Variants in PCOLCE2 observed in about 807,000 individuals in gnomAD.
PCOLCE2 encodes the protein procollagen C-endopeptidase enhancer 2, also known as procollagen C-proteinase enhancer 2.
Under a neutral mutation model 47.0 loss-of-function variants are expected in PCOLCE2, and 42 were observed. The ratio of observed to expected loss-of-function variants is 0.89; its 90% confidence interval spans 0.70 to 1.16. The LOEUF (loss-of-function observed/expected upper bound fraction) is 1.16, where lower values mean the gene tolerates loss of function less well. Ranked by LOEUF, PCOLCE2 falls within the 50% of genes most tolerant of loss-of-function variation. The pLI is 0.00. For missense variants in PCOLCE2, 500 were observed against 526.1 expected (o/e 0.95, Z 0.49); for synonymous variants, 169 against 191.7 (o/e 0.88, Z 0.98).
chr3:142,854,001 G>A (rs1389918170), intron 2 of PCOLCE2, among the ~76,000 whole-genome samples: 2 of 152,228 alleles, frequency 1.3e-5, no homozygotes, highest in Admixed American at 6.5e-5. Context: ...CGATGCCGGG[G>A]CTCCTGCCAG....
chr3:142,838,313 T>C (rs1937227451), intron 5 of PCOLCE2, among the ~76,000 whole-genome samples: 1 of 152,098 alleles, frequency 6.6e-6, no homozygotes, highest in African/African-American at 2.4e-5. Context: ...TCCCCAATGT[T>C]GAGGAGAAGC....
At chr3:142,862,559 T>C (rs1933199449) in intron 2 of PCOLCE2, among the ~76,000 whole-genome samples, 1 of 152,236 alleles carries the variant, frequency 6.6e-6, no homozygotes, top group East Asian at 1.9e-4. Context: ...CATAAATAAA[T>C]GCTTAATTCA....
At chr3:142,863,017 C>T (rs1421450822) in intron 2 of PCOLCE2, among the ~76,000 whole-genome samples, 1 of 149,600 alleles carries the variant, frequency 6.7e-6, no homozygotes, top group East Asian at 2.0e-4. Flanking sequence ...GAATATACCC[C>T]AAGAAAAGTT....
chr3:142,870,180 C>G (rs1342991638), intron 2 of PCOLCE2, among the ~76,000 whole-genome samples: 2 of 152,130 alleles, frequency 1.3e-5, no homozygotes, highest in African/African-American at 4.8e-5. Context: ...ACGGTGGCAG[C>G]AAGTGCTTGC....
chr3:142,845,084 CT>C lies in PCOLCE2; in HGVS notation c.449-2037del, dbSNP rs548560265. Among the ~76,000 whole-genome samples, 961 of 152,198 alleles carry C rather than the reference CT, an allele frequency of 6.3e-3. 10 individuals carry two copies. Among genetic ancestry groups the C allele is most frequent in the African/African-American group, 0.022 (908 of 41,546 alleles). On this transcript the variant is annotated intron_variant, in intron 3 of 8. Coordinates refer to ENST00000295992, the MANE Select transcript of PCOLCE2 (RefSeq NM_013363.4). The stretch of plus-strand genomic sequence containing the variant: ...CTTGGATTTAATGTGCCATTTACTA[CT>C]TTTTTCTATTTGCTTTACCTTTCTT...
intron 5 of PCOLCE2, 55 bp downstream of exon 5, chr3:142,838,715 A>G (rs900143064): frequency 2.7e-6 from 4 of 1,494,948 alleles, no homozygotes; most frequent in Non-Finnish European, 3.7e-6. Context: ...GAAACTGAAC[A>G]AGAAACAAGT....
At chr3:142,847,572 C>A (rs1937340723) in intron 3 of PCOLCE2, among the ~76,000 whole-genome samples, 1 of 152,092 alleles carries the variant, frequency 6.6e-6, no homozygotes, top group African/African-American at 2.4e-5. Flanking sequence ...AGGGTCTCAA[C>A]AACACCCAGG....
chr3:142,877,371 C>G (rs964544809), intron 2 of PCOLCE2, among the ~76,000 whole-genome samples: 10 of 152,150 alleles, frequency 6.6e-5, no homozygotes, highest in African/African-American at 2.4e-4. Context: ...TGGGAACTCC[C>G]CATGCTCCAA....
At chr3:142,827,158 T>A in intron 6 of PCOLCE2, 1 of 1,440,930 alleles carries the variant, frequency 6.9e-7, no homozygotes, top group Admixed American at 1.7e-5. Context: ...CGGGCAGCAA[T>A]GAGACCCATT....
intron 8 of PCOLCE2, among the ~76,000 whole-genome samples, chr3:142,818,853 TG>T (rs1175790569): frequency 1.3e-5 from 2 of 152,258 alleles, no homozygotes; most frequent in Non-Finnish European, 2.9e-5. Flanking sequence ...AGATCAGCCA[TG>T]TCCCGCTCTG....
intron 2 of PCOLCE2, among the ~76,000 whole-genome samples, chr3:142,879,793 C>T (rs1246258200): frequency 6.6e-6 from 1 of 151,432 alleles, no homozygotes. Context: ...CACGGTGAAA[C>T]CCCGCCTCTA....
At position 142,829,924 on chromosome 3, in the gene PCOLCE2, C is replaced by G. The variant is rs918316155; in HGVS notation, c.711-78G>C. On this transcript the variant is annotated intron_variant, in intron 5 of 8. Transcript: ENST00000295992. Reference sequence around the variant, plus strand: ...TGAAAATGTAAAATTTTCTAGTTTTCCATTAACTTCCGACAATAGATTACC... The same window carrying G: ...TGAAAATGTAAAATTTTCTAGTTTTGCATTAACTTCCGACAATAGATTACC... The G allele has an allele frequency of 1.1e-5, 8 of 760,532 alleles. No individual in the cohort carries two copies. The African/African-American group carries it at 1.2e-4, about 12-fold the overall frequency. 47.1% of individuals were successfully genotyped at this position (760,532 alleles called of 1,614,324 possible).
At chr3:142,847,490 T>C (rs1937339541) in intron 3 of PCOLCE2, among the ~76,000 whole-genome samples, 1 of 152,224 alleles carries the variant, frequency 6.6e-6, no homozygotes. Context: ...AGTAGAGATT[T>C]CTACGCTTGG....
rs539427581 is a variant in PCOLCE2, at chr3:142,874,354, G to A, written c.192+13315C>T. Among the ~76,000 whole-genome samples the A allele has an allele frequency of 2.6e-5, 4 of 152,304 alleles. No individual in the cohort carries two copies. In the South Asian group the frequency reaches 6.2e-4, roughly 24 times the overall value. On this transcript the variant is annotated intron_variant, in intron 2 of 8. Transcript: ENST00000295992. ...CTCCCAAAGTGTTGGGATTAAAGGC[G>A]TGAGCCACCGCACCTGGCCGAGCTG...
Position 142,820,909 on chromosome 3 carries a change from G to A in PCOLCE2, c.1086C>T (p.Val362=), listed in dbSNP as rs765405081. 5.6e-6 allele frequency: 9 copies of A among 1,613,688 alleles called. No homozygotes were observed. The highest frequency in any genetic ancestry group is 5.5e-5 in the South Asian group (5 of 91,048). The change falls in exon 8 of 9, where the codon GTC becomes GTT. Residue 362 remains valine (V), a synonymous_variant. Transcript: ENST00000295992. ...TGAGGAGAGGGCACTGCTTGCAGAC[G>A]ACAGTCAGCCTGGCACTCATGTTCT... ...AGKNMSARLT[V]VCKQCPLLRR... is the part of the protein sequence containing the mutation.
chr3:142,883,541 T>A (rs1297846980), intron 2 of PCOLCE2, among the ~76,000 whole-genome samples: 1 of 151,840 alleles, frequency 6.6e-6, no homozygotes, highest in Non-Finnish European at 1.5e-5. Flanking sequence ...TGCCTCAGCC[T>A]CCGAGTAGCT....
At chr3:142,836,014 T>C (rs1937199515) in intron 5 of PCOLCE2, among the ~76,000 whole-genome samples, 1 of 152,238 alleles carries the variant, frequency 6.6e-6, no homozygotes, top group Admixed American at 6.5e-5. Context: ...TTTTGTCACT[T>C]CATGTTTCCT....
chr3:142,850,168 CTT>C (rs1937374319), intron 2 of PCOLCE2, among the ~76,000 whole-genome samples: 1 of 151,122 alleles, frequency 6.6e-6, no homozygotes, highest in African/African-American at 2.4e-5. Context: ...CTGTCTTTTG[CTT>C]TGTTTTTTGT....
At chr3:142,849,933 T>A (rs1407282768) in intron 2 of PCOLCE2, among the ~76,000 whole-genome samples, 1 of 152,190 alleles carries the variant, frequency 6.6e-6, no homozygotes, top group East Asian at 1.9e-4. Flanking sequence ...TGCTATTTGC[T>A]TTTTGTGTCA....
Sources: gnomAD v4.1 joint callset for allele counts (sites outside exome capture counted in the v4.1 genomes callset) on GRCh38, gnomAD v4.1.1 for gene constraint, MANE v1.5 for transcripts, NCBI Gene and HGNC (gene_info 2026-07-23, HGNC 2026-07-21) for gene names.